Variants in SSR3 observed in about 807,000 individuals in gnomAD.
The protein encoded by SSR3 is translocon-associated protein subunit gamma.
A neutral mutation model predicts 22.1 loss-of-function variants in SSR3; 10 were observed. The observed-to-expected ratio is 0.45, with a 90% confidence interval of 0.28 to 0.77. The LOEUF is 0.77. Among genes scored for constraint, SSR3 ranks in the 30% least tolerant of loss-of-function variants. The pLI is 0.13. For missense variants in SSR3, 181 were observed against 220.5 expected, an observed-to-expected ratio of 0.82 and a Z score of 1.13; for synonymous variants, 104 against 82.5, an observed-to-expected ratio of 1.26 and a Z score of -1.42.
At chr3:156,548,493 T>C (rs1719838848) in intron 3 of SSR3, among the ~76,000 whole-genome samples, 1 of 152,214 alleles carries the variant, frequency 6.6e-6, no homozygotes, top group African/African-American at 2.4e-5. Context: ...GCCTGCTCTG[T>C]ACAAAGCTCT....
rs1047612134 is a variant in SSR3, at chr3:156,549,085, A to G, written c.261-82T>C. 8.1e-6 allele frequency: 11 copies of G among 1,365,864 alleles called. 1 individual carries two copies. In the Middle Eastern group the frequency reaches 6.5e-4, roughly 80 times the overall value. The allele number at this position is 1,365,864 out of a possible 1,614,324, so 84.6% of individuals were successfully genotyped here. On this transcript the variant is annotated intron_variant, in intron 2 of 4. Transcript: ENST00000265044. The stretch of plus-strand genomic sequence containing the variant: ...ACTCTCTCAGAAACACACCGTACTC[A>G]TATTTCGTACTGGCAACAGAATGAT...
intron 2 of SSR3, among the ~76,000 whole-genome samples, chr3:156,552,740 T>C (rs1044110519): frequency 1.3e-5 from 2 of 152,116 alleles, no homozygotes; most frequent in African/African-American, 2.4e-5. Flanking sequence ...GAAAGCAACA[T>C]CAAAGGGCGT....
intron 2 of SSR3, among the ~76,000 whole-genome samples, chr3:156,552,543 T>A (rs1233417183): frequency 6.6e-6 from 1 of 152,118 alleles, no homozygotes; most frequent in African/African-American, 2.4e-5. Context: ...AAAAACAGCA[T>A]CCAAACTAGA....
intron 4 of SSR3, among the ~76,000 whole-genome samples, chr3:156,543,487 C>A (rs1331586361): frequency 6.6e-6 from 1 of 151,800 alleles, no homozygotes; most frequent in Admixed American, 6.6e-5. Flanking sequence ...TTAAAAAAAA[C>A]ACTTTAGACA....
chr3:156,544,213 T>C (rs1174227679), intron 4 of SSR3, 95 bp downstream of exon 4: 8 of 1,234,748 alleles, frequency 6.5e-6, no homozygotes, highest in Non-Finnish European at 8.6e-6. Context: ...CCCAGAGCAG[T>C]TTTTCTTTCC....
chr3:156,554,894 C>G, intron 1 of SSR3, 63 bp downstream of exon 1: 2 of 1,563,632 alleles, frequency 1.3e-6, no homozygotes, highest in Non-Finnish European at 1.7e-6. Flanking sequence ...CGGGTCCTGC[C>G]ACGTCCCCGC....
intron 2 of SSR3, among the ~76,000 whole-genome samples, chr3:156,551,057 G>A (rs1019024272): frequency 6.6e-6 from 1 of 152,032 alleles, no homozygotes; most frequent in Admixed American, 6.6e-5. Context: ...CATCTTGCTG[G>A]ATCTTTGAAC....
intron 2 of SSR3, 115 bp downstream of exon 2, chr3:156,553,540 T>C (rs1345765104): frequency 9.5e-7 from 1 of 1,051,116 alleles, no homozygotes; most frequent in African/African-American, 1.6e-5. Context: ...AAATGTTTAT[T>C]AATATATATA....
In SSR3 at chr3:156,548,893, C is replaced by T; in HGVS notation, c.359+12G>A. Reference sequence around the variant, plus strand: ...CCTTTTATGATGGCCATACTTTAAACAGGAGTCAAACCTTTCATCTTTCTC... The same window carrying T: ...CCTTTTATGATGGCCATACTTTAAATAGGAGTCAAACCTTTCATCTTTCTC... On this transcript the variant is annotated intron_variant, in intron 3 of 4. Coordinates refer to ENST00000265044, the MANE Select transcript of SSR3 (RefSeq NM_007107.5). 6.2e-7 allele frequency: 1 copy of T among 1,612,278 alleles called. No homozygotes were observed. The highest frequency in any genetic ancestry group is 8.5e-7 in the Non-Finnish European group (1 of 1,179,526).
Position 156,548,938 on chromosome 3 carries a change from T to C in SSR3, c.326A>G (p.Asn109Ser). The change falls in exon 3 of 5, where the codon AAT becomes AGT. Residue 109 changes from asparagine to serine, a missense_variant. Asn to Ser is a conservative substitution (Grantham distance 46, BLOSUM62 1). Transcript: ENST00000265044. ...EVTRKLSEAD[N>S]RKMSRKEKDE... ...TTTCTCCTTCCGAGACATCTTTCTA[T>C]TATCAGCTTCAGAAAGTTTTCGAGT... 1 of 1,613,564 alleles carries C rather than the reference T, an allele frequency of 6.2e-7. No individual in the cohort carries two copies. The highest frequency in any genetic ancestry group is 1.1e-5 in the South Asian group (1 of 91,064).
intron 1 of SSR3, chr3:156,554,673 G>T: frequency 2.4e-6 from 1 of 416,552 alleles, no homozygotes; most frequent in East Asian, 4.4e-5. Flanking sequence ...ATAGAGATTC[G>T]GGGCCGCCAC....
At chr3:156,551,175 A>G (rs1358555860) in intron 2 of SSR3, among the ~76,000 whole-genome samples, 1 of 152,250 alleles carries the variant, frequency 6.6e-6, no homozygotes, top group East Asian at 1.9e-4. Context: ...CTATTAAGTC[A>G]GTAAGTCATT....
At chr3:156,551,982 G>A (rs1209245877) in intron 2 of SSR3, among the ~76,000 whole-genome samples, 1 of 152,086 alleles carries the variant, frequency 6.6e-6, no homozygotes, top group Non-Finnish European at 1.5e-5. Context: ...GGGTCTAGAA[G>A]AATTTGGCTT....
At chr3:156,552,161 C>T (rs1019307936) in intron 2 of SSR3, among the ~76,000 whole-genome samples, 10 of 151,820 alleles carry the variant, frequency 6.6e-5, no homozygotes, top group Non-Finnish European at 1.5e-4. Context: ...ATTAGCCAGG[C>T]GTGGTAGTAG....
At chr3:156,554,729 G>T (rs758523250) in intron 1 of SSR3, 1 of 560,100 alleles carries the variant, frequency 1.8e-6, no homozygotes, top group East Asian at 3.1e-5. Flanking sequence ...GCTCGGGAAC[G>T]TGCGTACTTT....
intron 4 of SSR3, 25 bp downstream of exon 4, chr3:156,544,283 A>G (rs757551553): frequency 6.7e-7 from 1 of 1,494,888 alleles, no homozygotes; most frequent in Non-Finnish European, 8.9e-7. Context: ...CTTCTAAAAA[A>G]GATAATCAAC....
Position 156,544,314 on chromosome 3 carries a change from G to A in SSR3, c.485C>T (p.Pro162Leu). The part of the protein sequence containing the change: ...ASFFILKNFN[P>L]TVNYILSISA... ...TCAACCTTGAAAAGGATACACTGTGGGGTTGAAGTTCTTCAATATGAAGAA... is the reference window on the plus strand; with the variant it reads ...TCAACCTTGAAAAGGATACACTGTGAGGTTGAAGTTCTTCAATATGAAGAA... Residue 162 changes from proline (P) to leucine (L), a missense_variant, in exon 4 of 5, where the codon CCC becomes CTC. Transcript: ENST00000265044. 2 of 1,586,206 alleles carry A rather than the reference G, an allele frequency of 1.3e-6. No homozygotes were observed. The highest frequency in any genetic ancestry group is 1.2e-5 in the South Asian group (1 of 84,722).
intron 2 of SSR3, 93 bp downstream of exon 2, chr3:156,553,562 T>C: frequency 7.7e-7 from 1 of 1,291,920 alleles, no homozygotes; most frequent in Non-Finnish European, 1.1e-6. Context: ...CTCAAATTAA[T>C]GCTTATTAAA....
chr3:156,553,616 A>G (rs1308863371), intron 2 of SSR3, 39 bp downstream of exon 2: 2 of 1,584,830 alleles, frequency 1.3e-6, no homozygotes, highest in African/African-American at 1.4e-5. Context: ...ATAAAAATAT[A>G]ACATGTAGTA....
Sources: allele counts gnomAD v4.1 joint callset (sites outside exome capture counted in the v4.1 genomes callset), GRCh38; gene constraint gnomAD v4.1.1; transcripts MANE v1.5; gene names NCBI Gene and HGNC (gene_info 2026-07-23, HGNC 2026-07-21).